The following ZFYVE27 variants were observed in gnomAD, a reference collection of about 807,000 sequenced individuals.
ZFYVE27 encodes zinc finger FYVE-type containing 27.
A neutral mutation model predicts 52.8 loss-of-function variants in ZFYVE27; 36 were observed. The observed-to-expected ratio is 0.68, with a 90% CI of 0.52 to 0.90. The LOEUF is 0.90. ZFYVE27 is among the 40% of genes least tolerant of loss of function. The probability of loss-of-function intolerance (pLI) is 0.00; values close to 1 mark genes in which losing one functional copy is unlikely to be tolerated. For synonymous variants in ZFYVE27, 223 were observed against 215.6 expected (o/e 1.03, Z -0.30); for missense variants, 450 against 527.2 (o/e 0.85, Z 1.43).
At chr10:97,740,117 A>G (rs752866441) in intron 2 of ZFYVE27, among the ~76,000 whole-genome samples, 1 of 152,246 alleles carries the variant, frequency 6.6e-6, no homozygotes, top group Non-Finnish European at 1.5e-5. Flanking sequence ...AAAGACCCTC[A>G]GTCCTCTGAA....
intron 1 of ZFYVE27, among the ~76,000 whole-genome samples, chr10:97,738,169 C>G (rs1235482846): frequency 3.3e-5 from 5 of 152,086 alleles, no homozygotes; most frequent in African/African-American, 1.2e-4. Flanking sequence ...TAAGCTGATA[C>G]CTGAAGGATG....
At position 97,753,161 on chromosome 10, in the gene ZFYVE27, C is replaced by T. The variant is rs1210712643; in HGVS notation, c.1021C>T (p.Arg341Cys). Residue 341 changes from arginine to cysteine, a missense_variant, in exon 10 of 13, where the codon CGC (arginine) becomes TGC (cysteine). Coordinates refer to ENST00000684270, the MANE Select transcript of ZFYVE27 (RefSeq NM_001385875.1). The part of the protein sequence containing the change: ...VSRLTERLRK[R>C]YPTNNFGNCT... ...TCGGCTCACGGAGCGGCTCCGCAAG[C>T]GCTACCCCACCAACAACTTCGGTGC... 5 of 1,611,062 alleles carry T rather than the reference C, an allele frequency of 3.1e-6. No individual in the cohort carries two copies. Among genetic ancestry groups the T allele is most frequent in the South Asian group, 1.1e-5 (1 of 90,452 alleles).
intron 4 of ZFYVE27, among the ~76,000 whole-genome samples, chr10:97,747,171 T>A (rs2045651337): frequency 6.6e-6 from 1 of 152,224 alleles, no homozygotes; most frequent in Admixed American, 6.5e-5. Context: ...ATCTCCCTAA[T>A]TTTTGGATTG....
chr10:97,758,557 G>A (rs2048997758), intron 12 of ZFYVE27, among the ~76,000 whole-genome samples: 2 of 152,124 alleles, frequency 1.3e-5, no homozygotes, highest in South Asian at 4.1e-4. Flanking sequence ...CCTGACCTCA[G>A]GTGATCTGCC....
chr10:97,746,802 G>C (rs1382145549), intron 4 of ZFYVE27, among the ~76,000 whole-genome samples: 1 of 151,568 alleles, frequency 6.6e-6, no homozygotes, highest in African/African-American at 2.4e-5. Context: ...TGATCCTTCT[G>C]CCTCAGCCTC....
chr10:97,740,971 G>T (rs181256406), intron 2 of ZFYVE27, among the ~76,000 whole-genome samples: 1 of 152,188 alleles, frequency 6.6e-6, no homozygotes, highest in East Asian at 1.9e-4. Flanking sequence ...CTTGAGTGGT[G>T]GTGTTTTTAT....
Position 97,743,138 on chromosome 10 carries a change from A to C in ZFYVE27, c.242A>C (p.Asn81Thr). 6.2e-7 allele frequency: 1 copy of C among 1,614,196 alleles called. No individual in the cohort carries two copies. Residue 81 changes from asparagine (N) to threonine (T), a missense_variant, in exon 3 of 13, where the codon AAC (asparagine) becomes ACC (threonine). Coordinates refer to ENST00000684270, the MANE Select transcript of ZFYVE27 (RefSeq NM_001385875.1). Reference sequence around the variant, plus strand: ...TCCTTGCTGACCTGCCTGGGCCTCAACGTCTTGTTCCTCACTTTGAATGAG... The same window carrying C: ...TCCTTGCTGACCTGCCTGGGCCTCACCGTCTTGTTCCTCACTTTGAATGAG... ...LCSLLTCLGL[N>T]VLFLTLNEGA...
Position 97,749,516 on chromosome 10 carries a change from G to A in ZFYVE27, c.594G>A (p.Leu198=), listed in dbSNP as rs1215101554. 1.2e-6 allele frequency: 2 copies of A among 1,614,156 alleles called. No individual in the cohort carries two copies. The highest frequency in any genetic ancestry group is 2.2e-5 in the South Asian group (2 of 91,082). The part of the protein sequence containing the change: ...ALLGTVCMLY[L]LPLCWVLTLL... ...TGGGCACAGTCTGCATGCTGTATTT[G>A]CTGCCACTCTGCTGGGTTCTCACCC... Residue 198 remains leucine (L), a synonymous_variant, in exon 6 of 13, where the codon TTG becomes TTA. Coordinates refer to ENST00000684270, the MANE Select transcript of ZFYVE27 (RefSeq NM_001385875.1).
In ZFYVE27 at chr10:97,737,129, A is replaced by G. The variant is rs1345057571; in HGVS notation, c.-194A>G. On this transcript the variant is annotated 5_prime_UTR_variant, in exon 1 of 13. Coordinates refer to ENST00000684270, the MANE Select transcript of ZFYVE27 (RefSeq NM_001385875.1). ...GTCATGAGGACGCAGCCGCAGAGCG[A>G]TTCGCGTCCCGGAAGCGGCGGTGGC... The G allele has an allele frequency of 1.3e-5, 2 of 152,526 alleles. No homozygotes were observed. Among genetic ancestry groups the G allele is most frequent in the East Asian group, 1.9e-4 (1 of 5,202 alleles). The allele number at this position is 152,526 out of a possible 1,614,324, so 9.4% of individuals were successfully genotyped here. A position where few individuals can be genotyped will look rare whatever the true frequency, so the allele number is the denominator to read the frequency against.
intron 2 of ZFYVE27, among the ~76,000 whole-genome samples, chr10:97,739,885 G>GTTTTTTTGTTTTTTGTTT (rs1554886947): frequency 7.3e-6 from 1 of 137,270 alleles, no homozygotes; most frequent in African/African-American, 2.7e-5. Context: ...TTAGAAAAGT[G>GTTTTTTTGTTTTTTGTTT]TTTTTTTTTT....
intron 4 of ZFYVE27, among the ~76,000 whole-genome samples, chr10:97,745,703 A>T (rs2045113749): frequency 6.6e-6 from 1 of 152,228 alleles, no homozygotes; most frequent in East Asian, 1.9e-4. Flanking sequence ...GTACTGGGGA[A>T]GTGTTGAGTA....
rs145746084 is a variant in ZFYVE27, at chr10:97,744,884, C to T, written c.424C>T (p.Arg142Cys). 1.2e-4 allele frequency: 188 copies of T among 1,601,714 alleles called. No homozygotes were observed. Among genetic ancestry groups the T allele is most frequent in the Admixed American group, 7.5e-4 (44 of 58,606 alleles). ...QEDLQRGRLS[R>C]PEAVAEVKSF... ...GGACCTGCAGAGAGGTCGCCTGTCT[C>T]GTCCCGAGGCCGTGGCTGAGGTGAA... The change falls in exon 4 of 13, where the codon CGT (arginine) becomes TGT (cysteine). Residue 142 changes from arginine (R) to cysteine (C), a missense_variant. By Grantham distance (180) the Arg-to-Cys change is radical. Coordinates refer to ENST00000684270, the MANE Select transcript of ZFYVE27 (RefSeq NM_001385875.1).
chr10:97,749,377 G>A, intron 5 of ZFYVE27, 97 bp from the exon 6 acceptor site: 1 of 879,700 alleles, frequency 1.1e-6, no homozygotes, highest in South Asian at 1.3e-5. Context: ...TGTGCCCAGA[G>A]CTGTGTCTCA....
At position 97,748,322 on chromosome 10, in the gene ZFYVE27, C is replaced by T. The variant is rs761068302; in HGVS notation, c.509C>T (p.Ala170Val). ...LSRLCCTCEAAYRVLHWENPV... is the reference protein window; with the variant it reads ...LSRLCCTCEAVYRVLHWENPV... The stretch of plus-strand genomic sequence containing the variant: ...CGCCTGTGCTGCACATGTGAAGCCG[C>T]CTACCGCGTGCTGCACTGGGAGAAC... Residue 170 changes from alanine (A) to valine (V), a missense_variant, in exon 5 of 13, where the codon GCC becomes GTC. Coordinates refer to ENST00000684270, the MANE Select transcript of ZFYVE27 (RefSeq NM_001385875.1). 1.9e-5 allele frequency: 30 copies of T among 1,614,188 alleles called. No homozygotes were observed. The South Asian group carries it at 3.3e-4, about 18-fold the overall frequency.
At chr10:97,754,946 T>A (rs999563431) in intron 10 of ZFYVE27, 2 of 543,886 alleles carry the variant, frequency 3.7e-6, no homozygotes, top group African/African-American at 4.1e-5. Flanking sequence ...ATGGTGGAGC[T>A]GTGACTCAAA....
chr10:97,739,234 T>TA (rs773578612), intron 2 of ZFYVE27, among the ~76,000 whole-genome samples: 1,557 of 138,818 alleles, frequency 0.011, 17 homozygotes, highest in African/African-American at 0.032. Context: ...CCTGGCTAAT[T>TA]AAAAAAAAAA....
chr10:97,751,685 C>T lies in ZFYVE27; in HGVS notation c.876+223C>T, dbSNP rs114999151. 6.5e-3 allele frequency among the ~76,000 whole-genome samples: 994 copies of T among 152,238 alleles called. 12 individuals are homozygous for T. Among genetic ancestry groups the T allele is most frequent in the African/African-American group, 0.022 (895 of 41,522 alleles). ...GGGCAAGAGTGGCTCTGGAAGTCTC[C>T]GGGTAATGCCCTGCTAGGGGAGCTG... On this transcript the variant is annotated intron_variant, in intron 8 of 12. Transcript: ENST00000684270.
chr10:97,751,275 T>C (rs988832650), intron 7 of ZFYVE27, 116 bp from the exon 8 acceptor site: 2 of 1,138,110 alleles, frequency 1.8e-6, no homozygotes, highest in Non-Finnish European at 2.6e-6. Flanking sequence ...TTTCTTGCCA[T>C]TGTGCCATTT....
rs369430004 is a variant in ZFYVE27, at chr10:97,749,455, G to T, written c.552-19G>T. Reference sequence around the variant, plus strand: ...GCTGTTACGAATTTCTGATCTTGTGGTTCTTCCCTGTCATCCAGGTTCTAT... The same window carrying T: ...GCTGTTACGAATTTCTGATCTTGTGTTTCTTCCCTGTCATCCAGGTTCTAT... On this transcript the variant is annotated intron_variant, in intron 5 of 12. Transcript: ENST00000684270. 4.4e-6 allele frequency: 7 copies of T among 1,601,058 alleles called. No homozygotes were observed. In the African/African-American group the frequency reaches 5.4e-5, roughly 12 times the overall value.
Sources: gnomAD v4.1 joint callset for allele counts (sites outside exome capture counted in the v4.1 genomes callset) on GRCh38, gnomAD v4.1.1 for gene constraint, MANE v1.5 for transcripts, NCBI Gene and HGNC (gene_info 2026-07-23, HGNC 2026-07-21) for gene names.